Variants in UBE2QL1 observed in about 807,000 individuals in gnomAD.
The protein encoded by UBE2QL1 is ubiquitin conjugating enzyme E2 QL1.
In UBE2QL1, 5 loss-of-function variants were observed where a neutral mutation model predicts 12.6. That is an observed-to-expected ratio of 0.40 (90% CI 0.21 to 0.83). The LOEUF (loss-of-function observed/expected upper bound fraction) is 0.83. Ranked by LOEUF, UBE2QL1 falls within the 40% of genes least tolerant of loss-of-function variation. UBE2QL1 has a pLI of 0.37. For missense variants in UBE2QL1, 99 were observed against 222.6 expected, an observed-to-expected ratio of 0.44 and a Z score of 3.53; for synonymous variants, 96 against 94.5, an observed-to-expected ratio of 1.02 and a Z score of -0.10.
chr5:6,482,377 C>A (rs894419796), intron 1 of UBE2QL1, among the ~76,000 whole-genome samples: 2 of 152,202 alleles, frequency 1.3e-5, no homozygotes, highest in Admixed American at 6.5e-5. Flanking sequence ...CCTCCACCCC[C>A]CAGCAAGCTC....
chr5:6,468,353 G>A (rs1739840117), intron 1 of UBE2QL1, among the ~76,000 whole-genome samples: 3 of 152,174 alleles, frequency 2.0e-5, no homozygotes, highest in Non-Finnish European at 4.4e-5. Context: ...GTGGGTGAAG[G>A]GATGCTCCTG....
chr5:6,483,255 G>A (rs111256718), intron 1 of UBE2QL1, among the ~76,000 whole-genome samples: 1 of 152,024 alleles, frequency 6.6e-6, no homozygotes, highest in Non-Finnish European at 1.5e-5. Flanking sequence ...GGCCAACATG[G>A]TGAAACCCCG....
intron 1 of UBE2QL1, among the ~76,000 whole-genome samples, chr5:6,457,111 T>C (rs1437711754): frequency 6.6e-6 from 1 of 151,808 alleles, no homozygotes; most frequent in African/African-American, 2.4e-5. Flanking sequence ...CTTTATCACA[T>C]CTGGTTATGA....
At chr5:6,483,164 G>A (rs752912015) in intron 1 of UBE2QL1, among the ~76,000 whole-genome samples, 17 of 152,152 alleles carry the variant, frequency 1.1e-4, no homozygotes, top group Admixed American at 2.0e-4. Flanking sequence ...GGCCAGGTGC[G>A]GTGGCTCATG....
chr5:6,464,391 G>A (rs1358735521), intron 1 of UBE2QL1, among the ~76,000 whole-genome samples: 1 of 152,156 alleles, frequency 6.6e-6, no homozygotes, highest in Non-Finnish European at 1.5e-5. Flanking sequence ...AGTCGAAAAG[G>A]AACGGGAAAT....
rs966150091 is a variant in UBE2QL1 at position 6,463,755 on chromosome 5, G to A, written c.354+14508G>A. Among the ~76,000 whole-genome samples the A allele has an allele frequency of 4.1e-5, 6 of 147,150 alleles. No homozygotes were observed. The East Asian group carries it at 8.4e-4, about 21-fold the overall frequency. On this transcript the variant is annotated intron_variant, in intron 1 of 1. Coordinates refer to ENST00000399816, the MANE Select transcript of UBE2QL1 (RefSeq NM_001145161.3). ...CCGTTCTCCTGCCTCAGCCTCCCGA[G>A]TAGCTGGGACTACAGGCGCCCGCCA...
chr5:6,481,745 C>T lies in UBE2QL1; in HGVS notation c.355-9473C>T, dbSNP rs1734366857. ...GCCTCTGCCAGGCCCTCGCCATCTT[C>T]TCTGGACCATGACAATAACCTAACT... On this transcript the variant is annotated intron_variant, in intron 1 of 1. Coordinates refer to ENST00000399816, the MANE Select transcript of UBE2QL1 (RefSeq NM_001145161.3). The surrounding 1 kb of genome is among the most constrained non-coding windows in gnomAD (Gnocchi z 4.5). 6.6e-6 allele frequency among the ~76,000 whole-genome samples: 1 copy of T among 152,196 alleles called. No individual in the cohort carries two copies. Among genetic ancestry groups the T allele is most frequent in the African/African-American group, 2.4e-5 (1 of 41,440 alleles).
At chr5:6,477,645 G>C (rs1734263858) in intron 1 of UBE2QL1, among the ~76,000 whole-genome samples, 2 of 152,238 alleles carry the variant, frequency 1.3e-5, no homozygotes, top group Non-Finnish European at 2.9e-5. Flanking sequence ...GACAGCAGCT[G>C]CTGGCCTGGT....
At chr5:6,459,636 CATG>C (rs1211051482) in intron 1 of UBE2QL1, among the ~76,000 whole-genome samples, 1 of 152,126 alleles carries the variant, frequency 6.6e-6, no homozygotes, top group Non-Finnish European at 1.5e-5. Flanking sequence ...GTTTTTAAAA[CATG>C]ATGAACTAAA....
In UBE2QL1 at chr5:6,478,590, A is replaced by G. The variant is rs1399855132; in HGVS notation, c.355-12628A>G. On this transcript the variant is annotated intron_variant, in intron 1 of 1. Coordinates refer to ENST00000399816, the MANE Select transcript of UBE2QL1 (RefSeq NM_001145161.3). The surrounding 1 kb of genome is among the most constrained non-coding windows in gnomAD (Gnocchi z 4.5). ...TCATTCCCAGGCTCTGATTCCTGTC[A>G]CATTTCCTAGTGACATTCTTGGTCT... is the stretch of plus-strand genomic sequence containing the variant. Among the ~76,000 whole-genome samples, 2 of 150,558 alleles carry G rather than the reference A, an allele frequency of 1.3e-5. No individual in the cohort carries two copies. The highest frequency in any genetic ancestry group is 2.4e-5 in the African/African-American group (1 of 41,034).
intron 1 of UBE2QL1, among the ~76,000 whole-genome samples, chr5:6,487,913 T>A (rs1250202071): frequency 6.6e-6 from 1 of 152,186 alleles, no homozygotes; most frequent in Non-Finnish European, 1.5e-5. Flanking sequence ...AGCAAGGGCA[T>A]GTCAGAAAAA....
intron 1 of UBE2QL1, among the ~76,000 whole-genome samples, chr5:6,466,585 T>C (rs1739800523): frequency 6.6e-6 from 1 of 152,208 alleles, no homozygotes; most frequent in African/African-American, 2.4e-5. Context: ...AGAATGAGGT[T>C]GAGTTGATGT....
chr5:6,484,431 C>T (rs905983708), intron 1 of UBE2QL1, among the ~76,000 whole-genome samples: 15 of 152,172 alleles, frequency 9.9e-5, no homozygotes, highest in African/African-American at 3.1e-4. Flanking sequence ...TGCTCTTCTG[C>T]GGTGCCTCTG....
intron 1 of UBE2QL1, among the ~76,000 whole-genome samples, chr5:6,475,807 C>T (rs1409023983): frequency 6.6e-6 from 1 of 151,994 alleles, no homozygotes; most frequent in Non-Finnish European, 1.5e-5. Flanking sequence ...ACTGGCCCTC[C>T]AGCCTGCAGC....
chr5:6,466,066 C>G (rs991611208), intron 1 of UBE2QL1, among the ~76,000 whole-genome samples: 7 of 152,110 alleles, frequency 4.6e-5, no homozygotes, highest in Non-Finnish European at 8.8e-5. Flanking sequence ...TCTGCCCCTG[C>G]CACCCTCCCA....
intron 1 of UBE2QL1, among the ~76,000 whole-genome samples, chr5:6,460,023 G>A (rs1267399561): frequency 1.3e-5 from 2 of 152,100 alleles, no homozygotes; most frequent in Admixed American, 6.5e-5. Context: ...ACCTTATTCT[G>A]CAGCTCAGGG....
chr5:6,449,045 T>A lies in UBE2QL1; in HGVS notation c.152T>A (p.Phe51Tyr). ...WQDMKETNTE[F>Y]ILLNLTFPDN... ...GACATGAAGGAGACCAACACCGAGTTCATCCTGCTCAACCTCACCTTCCCC... is the reference window on the plus strand; with the variant it reads ...GACATGAAGGAGACCAACACCGAGTACATCCTGCTCAACCTCACCTTCCCC... The change falls in exon 1 of 2, where the codon TTC (phenylalanine) becomes TAC (tyrosine). Residue 51 changes from phenylalanine to tyrosine, a missense_variant. By Grantham distance (22) the Phe-to-Tyr change is conservative (BLOSUM62 3). Coordinates refer to ENST00000399816, the MANE Select transcript of UBE2QL1 (RefSeq NM_001145161.3). 4 of 1,548,856 alleles carry A rather than the reference T, an allele frequency of 2.6e-6. No individual in the cohort carries two copies. The highest frequency in any genetic ancestry group is 3.5e-6 in the Non-Finnish European group (4 of 1,145,810).
Position 6,476,929 on chromosome 5 carries a change from C to T in UBE2QL1, c.355-14289C>T, listed in dbSNP as rs374500202. 6.5e-3 allele frequency among the ~76,000 whole-genome samples: 991 copies of T among 152,242 alleles called. 8 individuals are homozygous for T. The highest frequency in any genetic ancestry group is 0.023 in the African/African-American group (939 of 41,542). On this transcript the variant is annotated intron_variant, in intron 1 of 1. Coordinates refer to ENST00000399816, the MANE Select transcript of UBE2QL1 (RefSeq NM_001145161.3). The surrounding 1 kb of genome is among the most constrained non-coding windows in gnomAD (Gnocchi z 4.9). ...CCCCTTGGAAACCAGACCCAAACTC[C>T]AGGGACCCCGAAATTCCCACCTTCA...
At chr5:6,460,290 C>G (rs1340475176) in intron 1 of UBE2QL1, among the ~76,000 whole-genome samples, 1 of 152,172 alleles carries the variant, frequency 6.6e-6, no homozygotes, top group East Asian at 1.9e-4. Flanking sequence ...GACACGTGTT[C>G]CTTGCATAGG....
Sources: allele counts gnomAD v4.1 joint callset (sites outside exome capture counted in the v4.1 genomes callset), GRCh38; gene constraint gnomAD v4.1.1; non-coding constraint Gnocchi (gnomAD v3.1); transcripts MANE v1.5; gene names NCBI Gene and HGNC (gene_info 2026-07-23, HGNC 2026-07-21).